Variants in HS6ST3 observed in about 807,000 individuals in gnomAD.
HS6ST3 encodes heparan sulfate 6-O-sulfotransferase 3, also known as heparan-sulfate 6-O-sulfotransferase 3.
HS6ST3 carries 12 observed loss-of-function variants against 36.7 expected under a neutral mutation model. The observed-to-expected ratio is 0.33, with a 90% CI of 0.21 to 0.53. The LOEUF (loss-of-function observed/expected upper bound fraction) is 0.53, where lower values mean the gene tolerates loss of function less well. HS6ST3 is among the 20% of genes least tolerant of loss of function. The pLI is 0.95. For synonymous variants in HS6ST3, 240 were observed against 257.5 expected (o/e 0.93, Z 0.65); for missense variants, 584 against 640.9 (o/e 0.91, Z 0.96).
chr13:96,341,724 A>G (rs1179715191), intron 1 of HS6ST3, among the ~76,000 whole-genome samples: 1 of 152,166 alleles, frequency 6.6e-6, no homozygotes, highest in Non-Finnish European at 1.5e-5. Context: ...GATGGAATTA[A>G]AACATTTTTA....
At chr13:96,561,336 A>T (rs1213096067) in intron 1 of HS6ST3, among the ~76,000 whole-genome samples, 1 of 152,142 alleles carries the variant, frequency 6.6e-6, no homozygotes, top group African/African-American at 2.4e-5. Context: ...GCTATATGTG[A>T]AAGAATGAAA....
intron 1 of HS6ST3, among the ~76,000 whole-genome samples, chr13:96,331,112 T>C (rs920252274): frequency 5.9e-5 from 9 of 152,236 alleles, no homozygotes; most frequent in Non-Finnish European, 1.5e-5. Flanking sequence ...TTTCAACTTC[T>C]TTGCCTTTGG....
At chr13:96,764,145 C>A (rs1481943032) in intron 1 of HS6ST3, among the ~76,000 whole-genome samples, 2 of 152,124 alleles carry the variant, frequency 1.3e-5, no homozygotes, top group African/African-American at 4.8e-5. Context: ...TTAAATAAAG[C>A]CTTTTCTATT....
chr13:96,745,383 G>A (rs1876538318), intron 1 of HS6ST3, among the ~76,000 whole-genome samples: 1 of 152,082 alleles, frequency 6.6e-6, no homozygotes, highest in Non-Finnish European at 1.5e-5. Flanking sequence ...AAAGGTGTTA[G>A]GATTTAAGGC....
chr13:96,243,466 T>G (rs984768873), intron 1 of HS6ST3, among the ~76,000 whole-genome samples: 7 of 152,228 alleles, frequency 4.6e-5, no homozygotes, highest in Non-Finnish European at 1.0e-4. Flanking sequence ...AATGAAACTT[T>G]TTGTTAAACC....
chr13:96,622,081 G>A (rs1204923007), intron 1 of HS6ST3, among the ~76,000 whole-genome samples: 2 of 152,118 alleles, frequency 1.3e-5, no homozygotes, highest in Non-Finnish European at 2.9e-5. Context: ...TAAGATAAAT[G>A]TAGAATGTTG....
chr13:96,111,943 C>A (rs996525553), intron 1 of HS6ST3, among the ~76,000 whole-genome samples: 7 of 151,986 alleles, frequency 4.6e-5, no homozygotes, highest in Admixed American at 3.9e-4. Context: ...AATTACTAGT[C>A]CTTTTTTGAC....
At chr13:96,801,387 A>G (rs1490875161) in intron 1 of HS6ST3, among the ~76,000 whole-genome samples, 1 of 152,106 alleles carries the variant, frequency 6.6e-6, no homozygotes, top group Admixed American at 6.6e-5. Flanking sequence ...TAAGTCCTAT[A>G]CACAGATGCT....
chr13:96,313,897 A>G (rs925656235), intron 1 of HS6ST3, among the ~76,000 whole-genome samples: 1 of 152,144 alleles, frequency 6.6e-6, no homozygotes, highest in Non-Finnish European at 1.5e-5. Flanking sequence ...CACACTGAGC[A>G]TTTGCCTAAA....
intron 1 of HS6ST3, among the ~76,000 whole-genome samples, chr13:96,623,139 T>C (rs1261572238): frequency 6.6e-6 from 1 of 152,210 alleles, no homozygotes; most frequent in Non-Finnish European, 1.5e-5. Context: ...AAACTTATTT[T>C]CTTTTTACTT....
In HS6ST3 at chr13:96,278,626, C is replaced by T. The variant is rs2054759959; in HGVS notation, c.707+187057C>T. ...ATTGGCTGTTGCTCATGAGAAGAAT[C>T]AATAATTTCTTTTGAAGTTTCGCAT... On this transcript the variant is annotated intron_variant, in intron 1 of 1. Coordinates refer to ENST00000376705, the MANE Select transcript of HS6ST3 (RefSeq NM_153456.4). 2.0e-5 allele frequency among the ~76,000 whole-genome samples: 3 copies of T among 152,118 alleles called. No individual in the cohort carries two copies. In the South Asian group the frequency reaches 6.2e-4, roughly 32 times the overall value.
intron 1 of HS6ST3, among the ~76,000 whole-genome samples, chr13:96,786,578 A>G (rs1047122483): frequency 3.3e-5 from 5 of 152,184 alleles, no homozygotes; most frequent in African/African-American, 9.7e-5. Context: ...CCACTAAATT[A>G]TAAGGATCTC....
intron 1 of HS6ST3, among the ~76,000 whole-genome samples, chr13:96,155,094 G>A (rs1049815020): frequency 1.3e-5 from 2 of 151,992 alleles, no homozygotes; most frequent in African/African-American, 4.8e-5. Context: ...GTCAATACAC[G>A]TGTATTACAA....
chr13:96,496,167 C>T lies in HS6ST3; in HGVS notation c.708-336323C>T, dbSNP rs187566888. On this transcript the variant is annotated intron_variant, in intron 1 of 1. Transcript: ENST00000376705. ...ACCCAACACCTTTTTCATCCCATTC[C>T]TAAATGCCCCACCCCTGACTACAGT... 1.1e-3 allele frequency among the ~76,000 whole-genome samples: 170 copies of T among 152,326 alleles called. 2 individuals are homozygous for T. The highest frequency in any genetic ancestry group is 1.4e-3 in the East Asian group (7 of 5,178).
intron 1 of HS6ST3, among the ~76,000 whole-genome samples, chr13:96,119,727 C>T (rs1303004766): frequency 6.6e-6 from 1 of 152,052 alleles, no homozygotes; most frequent in Non-Finnish European, 1.5e-5. Flanking sequence ...TCTGAGTGTC[C>T]TTGGGCAGTT....
At chr13:96,161,081 G>T (rs1449341488) in intron 1 of HS6ST3, among the ~76,000 whole-genome samples, 2 of 152,090 alleles carry the variant, frequency 1.3e-5, no homozygotes, top group East Asian at 1.9e-4. Flanking sequence ...TTGGCGCAAG[G>T]TTCATCTCTT....
chr13:96,098,596 T>C (rs1004364033), intron 1 of HS6ST3, among the ~76,000 whole-genome samples: 1 of 152,062 alleles, frequency 6.6e-6, no homozygotes, highest in Non-Finnish European at 1.5e-5. Flanking sequence ...CAGGGGTAGG[T>C]GGGTCTCTTG....
At chr13:96,660,721 CATG>C (rs1047543851) in intron 1 of HS6ST3, among the ~76,000 whole-genome samples, 1 of 151,974 alleles carries the variant, frequency 6.6e-6, no homozygotes, top group African/African-American at 2.4e-5. Context: ...TATTAGAAAC[CATG>C]ATGGTTAATA....
chr13:96,334,564 A>G (rs1414995539), intron 1 of HS6ST3, among the ~76,000 whole-genome samples: 1 of 152,234 alleles, frequency 6.6e-6, no homozygotes, highest in Non-Finnish European at 1.5e-5. Context: ...ACAATTCCAT[A>G]TGGCTGGGGA....
Sources: gnomAD v4.1 joint callset for allele counts (sites outside exome capture counted in the v4.1 genomes callset) on GRCh38, gnomAD v4.1.1 for gene constraint, MANE v1.5 for transcripts, NCBI Gene and HGNC (gene_info 2026-07-23, HGNC 2026-07-21) for gene names.